Variants in RBFOX1 observed in about 807,000 individuals in gnomAD.
RBFOX1 encodes RNA binding fox-1 homolog 1, also known as RNA binding protein fox-1 homolog 1.
RBFOX1 carries 8 observed loss-of-function variants against 57.7 expected under a neutral mutation model. The observed-to-expected ratio is 0.14, with a 90% CI of 0.08 to 0.25. The LOEUF is 0.25. RBFOX1 is among the 10% of genes least tolerant of loss of function. RBFOX1 has a pLI of 1.00. For synonymous variants in RBFOX1, 326 were observed against 222.4 expected (o/e 1.47, Z -4.15); for missense variants, 611 against 548.5 (o/e 1.11, Z -1.14).
chr16:7,474,409 A>G (rs1425851149), intron 4 of RBFOX1, among the ~76,000 whole-genome samples: 1 of 152,174 alleles, frequency 6.6e-6, no homozygotes, highest in East Asian at 1.9e-4. Context: ...TTCACTGTGA[A>G]GGTCATGTAT....
At chr16:7,274,157 C>T (rs1028433022) in intron 4 of RBFOX1, among the ~76,000 whole-genome samples, 3 of 152,172 alleles carry the variant, frequency 2.0e-5, no homozygotes, top group Non-Finnish European at 4.4e-5. Flanking sequence ...CTGGAGGTTT[C>T]TCTCTGCGTT....
intron 3 of RBFOX1, among the ~76,000 whole-genome samples, chr16:6,729,451 T>C (rs1332004341): frequency 2.6e-5 from 4 of 152,194 alleles, no homozygotes; most frequent in South Asian, 2.1e-4. Flanking sequence ...GTGAGGAAGA[T>C]AGTATTGTAG....
intron 1 of RBFOX1, among the ~76,000 whole-genome samples, chr16:6,055,924 A>T (rs900907748): frequency 6.6e-6 from 1 of 152,180 alleles, no homozygotes; most frequent in African/African-American, 2.4e-5. Context: ...TCCCCTCTTG[A>T]TGAGCACTTA....
chr16:6,059,463 A>T (rs2095656660), intron 1 of RBFOX1, among the ~76,000 whole-genome samples: 1 of 152,162 alleles, frequency 6.6e-6, no homozygotes, highest in Non-Finnish European at 1.5e-5. Context: ...TACATATAAC[A>T]TGTATCTCAT....
In RBFOX1 at chr16:6,478,245, C is replaced by T. The variant is rs547381325; in HGVS notation, c.-64+161188C>T. ...CCAGCTTTTTTTTTTTTTTTTGAGA[C>T]GGAGTCTCTAGCTGTCACCTGGGCT... is the stretch of plus-strand genomic sequence containing the variant. On this transcript the variant is annotated intron_variant, in intron 2 of 15. Coordinates refer to ENST00000550418, the MANE Select transcript of RBFOX1 (RefSeq NM_018723.4). 2.0e-3 allele frequency among the ~76,000 whole-genome samples: 265 copies of T among 134,132 alleles called. 3 individuals carry two copies. Among genetic ancestry groups the T allele is most frequent in the Non-Finnish European group, 2.9e-3 (183 of 63,214 alleles). 88.0% of individuals were successfully genotyped at this position (134,132 alleles called of 152,430 possible).
intron 4 of RBFOX1, among the ~76,000 whole-genome samples, chr16:7,103,071 C>CAAA (rs397767938): frequency 2.0e-5 from 3 of 147,054 alleles, no homozygotes; most frequent in African/African-American, 2.5e-5. Flanking sequence ...ATCTTTGCCT[C>CAAA]AAAAAAAAAA....
intron 2 of RBFOX1, among the ~76,000 whole-genome samples, chr16:6,337,854 G>C (rs985307948): frequency 6.6e-6 from 1 of 152,184 alleles, no homozygotes; most frequent in Admixed American, 6.5e-5. Context: ...CTGTATGTCT[G>C]CCTTGTGAGA....
intron 1 of RBFOX1, among the ~76,000 whole-genome samples, chr16:5,269,759 G>A (rs1332658086): frequency 2.0e-5 from 3 of 152,170 alleles, no homozygotes; most frequent in Non-Finnish European, 4.4e-5. Context: ...GACTAGTAAT[G>A]TTTGTGTATA....
chr16:6,953,739 A>G (rs1203972465), intron 3 of RBFOX1, among the ~76,000 whole-genome samples: 1 of 152,200 alleles, frequency 6.6e-6, no homozygotes, highest in Non-Finnish European at 1.5e-5. Flanking sequence ...CATATTTTAT[A>G]TACATAATGG....
chr16:7,014,704 A>T (rs2093819590), intron 3 of RBFOX1, among the ~76,000 whole-genome samples: 1 of 151,822 alleles, frequency 6.6e-6, no homozygotes, highest in South Asian at 2.1e-4. Context: ...AGAGTGGATG[A>T]TAAACTAGAA....
chr16:7,441,084 A>G (rs558652158), intron 4 of RBFOX1, among the ~76,000 whole-genome samples: 1 of 152,216 alleles, frequency 6.6e-6, no homozygotes, highest in East Asian at 1.9e-4. Flanking sequence ...TTCCTAAGAT[A>G]TCCTCTTTAA....
At chr16:5,425,367 G>A (rs1597011283) in intron 1 of RBFOX1, among the ~76,000 whole-genome samples, 2 of 152,086 alleles carry the variant, frequency 1.3e-5, no homozygotes, top group East Asian at 3.9e-4. Flanking sequence ...GCCTCCCAAA[G>A]CGCTGGGATT....
intron 4 of RBFOX1, among the ~76,000 whole-genome samples, chr16:5,923,532 T>TC (rs1429700769): frequency 7.3e-6 from 1 of 136,404 alleles, no homozygotes; most frequent in Non-Finnish European, 1.6e-5. Flanking sequence ...GAGCCAGGCT[T>TC]TTTTTTTTTT....
intron 3 of RBFOX1, among the ~76,000 whole-genome samples, chr16:6,764,484 T>C (rs2077053026): frequency 6.6e-6 from 1 of 152,138 alleles, no homozygotes; most frequent in East Asian, 1.9e-4. Flanking sequence ...TCTCTGTCCA[T>C]TCATTCATCC....
intron 4 of RBFOX1, among the ~76,000 whole-genome samples, chr16:7,418,313 G>A (rs1021119856): frequency 6.6e-6 from 1 of 152,166 alleles, no homozygotes. Flanking sequence ...CTGTTTGAGT[G>A]GGGGACTTCA....
intron 4 of RBFOX1, among the ~76,000 whole-genome samples, chr16:7,204,127 C>G (rs987893149): frequency 6.6e-6 from 1 of 152,236 alleles, no homozygotes; most frequent in Non-Finnish European, 1.5e-5. Flanking sequence ...ACGGCACCCA[C>G]AGGGTATCTG....
At chr16:6,634,415 G>T (rs865813697) in intron 2 of RBFOX1, among the ~76,000 whole-genome samples, 3 of 151,794 alleles carry the variant, frequency 2.0e-5, no homozygotes, top group Non-Finnish European at 4.4e-5. Flanking sequence ...CTCTAAAATA[G>T]GGATAATCAC....
At chr16:6,174,531 G>C (rs1396393799) in intron 1 of RBFOX1, among the ~76,000 whole-genome samples, 6 of 152,156 alleles carry the variant, frequency 3.9e-5, no homozygotes, top group Non-Finnish European at 5.9e-5. Flanking sequence ...GGAGGTGGAG[G>C]CTTCAGTGAG....
At chr16:6,516,237 C>T (rs967052905) in intron 2 of RBFOX1, among the ~76,000 whole-genome samples, 2 of 152,138 alleles carry the variant, frequency 1.3e-5, no homozygotes, top group Admixed American at 6.6e-5. Flanking sequence ...CCATGTTGGC[C>T]AGGCTAGTCT....
Sources: gnomAD v4.1 joint callset for allele counts (sites outside exome capture counted in the v4.1 genomes callset) on GRCh38, gnomAD v4.1.1 for gene constraint, MANE v1.5 for transcripts, NCBI Gene and HGNC (gene_info 2026-07-23, HGNC 2026-07-21) for gene names.